Variants in PLXNA4 observed in about 807,000 individuals in gnomAD.
PLXNA4 encodes plexin-A4.
A neutral mutation model predicts 191.8 loss-of-function variants in PLXNA4; 44 were observed. The ratio of observed to expected loss-of-function variants is 0.23; its 90% confidence interval spans 0.18 to 0.29. PLXNA4 has a LOEUF of 0.29. Among genes scored for constraint, PLXNA4 ranks in the 10% least tolerant of loss-of-function variants. The probability of loss-of-function intolerance (pLI) is 1.00; values close to 1 mark genes in which losing one functional copy is unlikely to be tolerated. For synonymous variants in PLXNA4, 1,082 were observed against 1,009.5 expected (o/e 1.07, Z -1.36); for missense variants, 1,800 against 2,488.8 (o/e 0.72, Z 5.89).
At chr7:132,303,354 AG>A (rs1302348604) in intron 3 of PLXNA4, among the ~76,000 whole-genome samples, 2 of 148,800 alleles carry the variant, frequency 1.3e-5, no homozygotes, top group Non-Finnish European at 3.0e-5. Context: ...GCGGATCACG[AG>A]GTCAAGAGAT....
At chr7:132,159,026 G>A (rs1210987478) in intron 25 of PLXNA4, among the ~76,000 whole-genome samples, 4 of 152,176 alleles carry the variant, frequency 2.6e-5, no homozygotes, top group Non-Finnish European at 5.9e-5. Context: ...TAGGTATTCA[G>A]CAAAAATTAT....
At chr7:132,338,337 C>A (rs76882361) in intron 3 of PLXNA4, among the ~76,000 whole-genome samples, 1 of 152,278 alleles carries the variant, frequency 6.6e-6, no homozygotes, top group African/African-American at 2.4e-5. Context: ...TCAGTGAGCT[C>A]CCCCAAACTT....
chr7:132,146,729 T>C, intron 27 of PLXNA4, 29 bp from the exon 28 acceptor site: 1 of 1,611,804 alleles, frequency 6.2e-7, no homozygotes. Flanking sequence ...CCCCCCGACA[T>C]ATGTGAGGCC....
chr7:132,564,548 G>A (rs542143966), intron 1 of PLXNA4, among the ~76,000 whole-genome samples: 5 of 152,134 alleles, frequency 3.3e-5, no homozygotes, highest in Middle Eastern at 3.4e-3. Context: ...CTATTCCCAC[G>A]TATGTTGTGG....
At chr7:132,408,108 AACTT>A (rs1794297734) in intron 3 of PLXNA4, among the ~76,000 whole-genome samples, 1 of 152,092 alleles carries the variant, frequency 6.6e-6, no homozygotes, top group Non-Finnish European at 1.5e-5. Context: ...AATGAGAACT[AACTT>A]AAATATAAAA....
At position 132,595,313 on chromosome 7, in the gene PLXNA4, A is replaced by G. The variant is rs114886276; in HGVS notation, c.-87+50615T>C. ...AGAAAGAAGGAGCATGGTATCCCCAATATTGGAGGGGCACCAGGCATCATG... is the reference window on the plus strand; with the variant it reads ...AGAAAGAAGGAGCATGGTATCCCCAGTATTGGAGGGGCACCAGGCATCATG... On this transcript the variant is annotated intron_variant, in intron 2 of 4. Coordinates refer to the PLXNA4 transcript ENST00000378539. 6.5e-3 allele frequency among the ~76,000 whole-genome samples: 984 copies of G among 152,234 alleles called. 17 individuals carry two copies. Among genetic ancestry groups the G allele is most frequent in the African/African-American group, 0.022 (901 of 41,544 alleles).
At chr7:132,380,027 G>A (rs1471809130) in intron 3 of PLXNA4, among the ~76,000 whole-genome samples, 1 of 152,150 alleles carries the variant, frequency 6.6e-6, no homozygotes, top group Non-Finnish European at 1.5e-5. Context: ...TAATATAACA[G>A]AGGCAGGGCT....
intron 4 of PLXNA4, among the ~76,000 whole-genome samples, chr7:132,251,450 C>G (rs994696182): frequency 2.0e-5 from 3 of 152,094 alleles, no homozygotes; most frequent in Non-Finnish European, 4.4e-5. Context: ...TAACTCCTGG[C>G]CCAGGCAGCG....
chr7:132,549,807 G>C (rs1800478560), intron 1 of PLXNA4, among the ~76,000 whole-genome samples: 3 of 152,062 alleles, frequency 2.0e-5, no homozygotes, highest in Non-Finnish European at 4.4e-5. Context: ...GAGCAGCATG[G>C]GGGCTAGGAT....
At chr7:132,333,887 T>TC (rs1397754974) in intron 3 of PLXNA4, among the ~76,000 whole-genome samples, 3 of 152,184 alleles carry the variant, frequency 2.0e-5, no homozygotes, top group African/African-American at 7.2e-5. Flanking sequence ...TGCTGATTTT[T>TC]TCTCTCTCTT....
At chr7:132,136,065 A>G (rs1041042839) in intron 30 of PLXNA4, among the ~76,000 whole-genome samples, 24 of 152,184 alleles carry the variant, frequency 1.6e-4, no homozygotes, top group African/African-American at 5.5e-4. Flanking sequence ...AAGTGGTCCC[A>G]TCTTCTCTGC....
At chr7:132,265,363 C>T (rs1799809945) in intron 4 of PLXNA4, among the ~76,000 whole-genome samples, 3 of 152,180 alleles carry the variant, frequency 2.0e-5, no homozygotes, top group Non-Finnish European at 4.4e-5. Context: ...AAGCTAAGTA[C>T]TGTGCTATAT....
intron 3 of PLXNA4, among the ~76,000 whole-genome samples, chr7:132,424,497 C>T (rs1794967599): frequency 6.6e-6 from 1 of 152,166 alleles, no homozygotes; most frequent in Non-Finnish European, 1.5e-5. Flanking sequence ...GTGGAACCCC[C>T]ACCCTTCCTG....
chr7:132,632,684 A>G (rs1298256212), intron 2 of PLXNA4, among the ~76,000 whole-genome samples: 1 of 152,374 alleles, frequency 6.6e-6, no homozygotes, highest in East Asian at 1.9e-4. Flanking sequence ...AGCACATTAA[A>G]AATAAATCCC....
chr7:132,642,549 G>A (rs1317663657), intron 2 of PLXNA4, among the ~76,000 whole-genome samples: 1 of 151,916 alleles, frequency 6.6e-6, no homozygotes, highest in African/African-American at 2.4e-5. Flanking sequence ...GAGAAACTAG[G>A]GAGGAGGCAG....
At chr7:132,376,838 C>T (rs1359719630) in intron 3 of PLXNA4, among the ~76,000 whole-genome samples, 1 of 152,228 alleles carries the variant, frequency 6.6e-6, no homozygotes, top group African/African-American at 2.4e-5. Context: ...TGCACCCAGT[C>T]CTCCTTGATC....
chr7:132,227,324 T>A (rs11761061), intron 7 of PLXNA4, 127 bp downstream of exon 7: 598,155 of 1,285,792 alleles, frequency 0.47, 143,970 homozygotes, highest in East Asian at 0.69. Context: ...ACACCCACCA[T>A]CCCATGCCCC....
intron 1 of PLXNA4, among the ~76,000 whole-genome samples, chr7:132,542,860 T>C (rs1447217463): frequency 6.6e-6 from 1 of 152,238 alleles, no homozygotes; most frequent in Non-Finnish European, 1.5e-5. Context: ...TACTATGTCA[T>C]TTTTATAGTT....
chr7:132,507,661 G>A lies in PLXNA4; in HGVS notation c.1033C>T (p.Arg345Trp), dbSNP rs115629766. Reference sequence around the variant, plus strand: ...GACTCATCCAGGGATTTCATTTTCCGCTTCTGGCCCTTGGAGAAGACGGTG... The same window carrying A: ...GACTCATCCAGGGATTTCATTTTCCACTTCTGGCCCTTGGAGAAGACGGTG... ...LFTVFSKGQKRKMKSLDESAL... is the reference protein window; with the variant it reads ...LFTVFSKGQKWKMKSLDESAL... The change falls in exon 2 of 32, where the codon CGG becomes TGG. Residue 345 changes from arginine to tryptophan, a missense_variant. By Grantham distance (101) the Arg-to-Trp change is moderately radical (BLOSUM62 -3). This residue lies in a region of PLXNA4 where 1,397 missense variants were observed against 1,880.4 expected (regional missense o/e 0.74). Coordinates refer to ENST00000321063, the MANE Select transcript of PLXNA4 (RefSeq NM_020911.2). 3.2e-4 allele frequency: 515 copies of A among 1,614,200 alleles called. No individual in the cohort carries two copies. In the African/African-American group the frequency reaches 4.4e-3, roughly 14 times the overall value.
Sources: allele counts gnomAD v4.1 joint callset (sites outside exome capture counted in the v4.1 genomes callset), GRCh38; gene constraint gnomAD v4.1.1; regional missense constraint gnomAD v4.1.1; transcripts MANE v1.5; gene names NCBI Gene and HGNC (gene_info 2026-07-23, HGNC 2026-07-21).